HSPG2: variants seen among roughly 807,000 people sequenced by gnomAD.
HSPG2 encodes heparan sulfate proteoglycan 2, also known as basement membrane-specific heparan sulfate proteoglycan core protein.
A neutral mutation model predicts 526.6 loss-of-function variants in HSPG2; 278 were observed. The observed-to-expected ratio is 0.53, with a 90% CI of 0.48 to 0.58. The LOEUF (loss-of-function observed/expected upper bound fraction) is 0.58, where lower values mean the gene tolerates loss of function less well. Among genes scored for constraint, HSPG2 ranks in the 20% least tolerant of loss-of-function variants. The pLI, the probability that HSPG2 is intolerant of heterozygous loss-of-function variation, is 0.00. For synonymous variants in HSPG2, 2,465 were observed against 2,555.4 expected (o/e 0.96, Z 1.07); for missense variants, 5,354 against 6,099.5 (o/e 0.88, Z 4.07).
intron 1 of HSPG2, among the ~76,000 whole-genome samples, chr1:21,909,142 C>A (rs1248485054): frequency 2.6e-5 from 4 of 152,088 alleles, no homozygotes; most frequent in Non-Finnish European, 4.4e-5. Flanking sequence ...CAGGACAGAG[C>A]CAGAAGGAGT....
rs779427446 is a variant in HSPG2, at chr1:21,875,958, C to G, written c.3088G>C (p.Val1030Leu). Reference sequence around the variant, plus strand: ...ATGATGTTGTTACCTTGCAGCACCACCAACGGCTGCCCGTGCAGGGGTGTG... The same window carrying G: ...ATGATGTTGTTACCTTGCAGCACCAGCAACGGCTGCCCGTGCAGGGGTGTG... ...GSTPLHGQPL[V>L]VLQGNNIILE... is the part of the protein sequence containing the mutation. Residue 1030 changes from valine to leucine, a missense_variant, in exon 24 of 97, where the codon GTG becomes CTG. Transcript: ENST00000374695. The G allele has an allele frequency of 6.2e-7, 1 of 1,614,180 alleles. No individual in the cohort carries two copies. Among genetic ancestry groups the G allele is most frequent in the Non-Finnish European group, 8.5e-7 (1 of 1,180,016 alleles).
chr1:21,884,714 T>C, intron 12 of HSPG2, 40 bp from the exon 13 acceptor site: 1 of 1,610,662 alleles, frequency 6.2e-7, no homozygotes, highest in Non-Finnish European at 8.5e-7. Flanking sequence ...CCGGCTGTGG[T>C]GGGCAGCCCG....
At position 21,885,752 on chromosome 1, in the gene HSPG2, G is replaced by A. The variant is rs533878181; in HGVS notation, c.1079-301C>T. On this transcript the variant is annotated intron_variant, in intron 9 of 96. Coordinates refer to ENST00000374695, the MANE Select transcript of HSPG2 (RefSeq NM_005529.7). ...CAGCCACGCTCAGAGGCACAGAAGC[G>A]CTATCTTGCTCACATGGACAAGACC... is the stretch of plus-strand genomic sequence containing the variant. 1.2e-3 allele frequency among the ~76,000 whole-genome samples: 184 copies of A among 152,234 alleles called. 1 individual carries two copies. Among genetic ancestry groups the A allele is most frequent in the African/African-American group, 4.1e-3 (171 of 41,536 alleles).
At chr1:21,829,115 G>A in intron 87 of HSPG2, 36 bp from the exon 88 acceptor site, 1 of 1,525,314 alleles carries the variant, frequency 6.6e-7, no homozygotes, top group Non-Finnish European at 8.8e-7. Flanking sequence ...GGCACATGGG[G>A]GCACACGGGG....
chr1:21,834,097 G>A (rs2098016368), intron 77 of HSPG2, among the ~76,000 whole-genome samples, 172 bp from the exon 78 acceptor site: 1 of 152,216 alleles, frequency 6.6e-6, no homozygotes, highest in Non-Finnish European at 1.5e-5. Flanking sequence ...TTTGCTCCTG[G>A]TCGGGCAGAG....
chr1:21,926,761 C>CA lies in HSPG2; in HGVS notation c.63+10393dup, dbSNP rs57835686. Reference sequence around the variant, plus strand: ...TGGGAGACAGAGTGAGACTCAGTCTCAAAAAAAAAAAAAAAAAAAAAAAAA... The same window carrying CA: ...TGGGAGACAGAGTGAGACTCAGTCTCAAAAAAAAAAAAAAAAAAAAAAAAAA... On this transcript the variant is annotated intron_variant, in intron 1 of 96. Transcript: ENST00000374695. Among the ~76,000 whole-genome samples, 293 of 55,858 alleles carry CA rather than the reference C, an allele frequency of 5.2e-3. 12 individuals carry two copies. The highest frequency in any genetic ancestry group is 0.038 in the East Asian group (43 of 1,136). 36.6% of individuals were successfully genotyped at this position (55,858 alleles called of 152,430 possible). A position where few individuals can be genotyped will look rare whatever the true frequency, so the allele number is the denominator to read the frequency against.
chr1:21,935,549 A>C (rs1183496432), intron 1 of HSPG2, among the ~76,000 whole-genome samples: 1 of 152,266 alleles, frequency 6.6e-6, no homozygotes, highest in East Asian at 1.9e-4. Flanking sequence ...AATGTCGCTC[A>C]GTGATGATCT....
chr1:21,902,031 GAC>G (rs1184663831), intron 1 of HSPG2, among the ~76,000 whole-genome samples: 4 of 152,170 alleles, frequency 2.6e-5, no homozygotes, highest in Non-Finnish European at 5.9e-5. Context: ...CCAGGCCCCA[GAC>G]ACAGGATCAA....
rs1641748267 is a variant in HSPG2 at position 21,884,680 on chromosome 1, G to A, written c.1508-6C>T. On this transcript the variant is annotated splice_region_variant and splice_polypyrimidine_tract_variant and intron_variant, in intron 12 of 96. Coordinates refer to ENST00000374695, the MANE Select transcript of HSPG2 (RefSeq NM_005529.7). The stretch of plus-strand genomic sequence containing the variant: ...GTGGCCGTCAGGGCAGGGGCCTGCT[G>A]GGCGGCATGGGCGGGGGCTGCAGCC... 1 of 1,610,754 alleles carries A rather than the reference G, an allele frequency of 6.2e-7. No homozygotes were observed. The highest frequency in any genetic ancestry group is 8.5e-7 in the Non-Finnish European group (1 of 1,178,756).
chr1:21,914,287 T>C (rs908263425), intron 1 of HSPG2, among the ~76,000 whole-genome samples: 1 of 152,126 alleles, frequency 6.6e-6, no homozygotes, highest in Non-Finnish European at 1.5e-5. Context: ...AGGGTTGCTA[T>C]TTCCCTGGGT....
Position 21,829,491 on chromosome 1 carries a change from G to T in HSPG2, c.11884C>A (p.Pro3962Thr), listed in dbSNP as rs777703731. 2 of 1,613,396 alleles carry T rather than the reference G, an allele frequency of 1.2e-6. No individual in the cohort carries two copies. The highest frequency in any genetic ancestry group is 2.7e-5 in the African/African-American group (2 of 75,062). The change falls in exon 87 of 97, where the codon CCT (proline) becomes ACT (threonine). Residue 3962 changes from proline to threonine, a missense_variant. By Grantham distance (38) the Pro-to-Thr change is conservative. Coordinates refer to ENST00000374695, the MANE Select transcript of HSPG2 (RefSeq NM_005529.7). ...RLDVEFKPLAPDGVLLFSGGK... is the reference protein window; with the variant it reads ...RLDVEFKPLATDGVLLFSGGK... ...CCGCTGAACAGCAGGACCCCGTCAG[G>T]GGCGAGTGGCTTGAACTCCACGTCC...
chr1:21,876,089 C>T, intron 23 of HSPG2, 47 bp from the exon 24 acceptor site: 1 of 1,604,704 alleles, frequency 6.2e-7, no homozygotes, highest in Non-Finnish European at 8.5e-7. Flanking sequence ...GAATTCGGGC[C>T]CTGTCACTGC....
chr1:21,923,314 G>A (rs1398210681), intron 1 of HSPG2, among the ~76,000 whole-genome samples: 1 of 152,140 alleles, frequency 6.6e-6, no homozygotes. Flanking sequence ...GGCTGAGGCA[G>A]GAGAATCGCT....
At chr1:21,909,822 C>A (rs950165907) in intron 1 of HSPG2, among the ~76,000 whole-genome samples, 3 of 152,202 alleles carry the variant, frequency 2.0e-5, no homozygotes, top group Admixed American at 6.5e-5. Flanking sequence ...TGGCAAGGGC[C>A]TGGGCTAGGC....
At position 21,865,835 on chromosome 1, in the gene HSPG2, A is replaced by G. The variant is rs1640183325; in HGVS notation, c.4222-26T>C. The stretch of plus-strand genomic sequence containing the variant: ...CTGCAAAGAGGCAAGCCCAGAGGTC[A>G]CAGGCTGACCTTGGGGTGTGAGTGT... On this transcript the variant is annotated intron_variant, in intron 33 of 96. Transcript: ENST00000374695. The surrounding 1 kb of genome is among the most constrained non-coding windows in gnomAD (Gnocchi z 5.4). 6.3e-7 allele frequency: 1 copy of G among 1,579,786 alleles called. No individual in the cohort carries two copies. The highest frequency in any genetic ancestry group is 1.3e-5 in the African/African-American group (1 of 74,238).
At position 21,839,652 on chromosome 1, in the gene HSPG2, A is replaced by G. The variant is rs545950579; in HGVS notation, c.9710-102T>C. ...GGGCCCTGGGTGATCCTGTCCCTCT[A>G]TGGGGACCCCAGTTGGGTTCCTCGG... On this transcript the variant is annotated intron_variant, in intron 72 of 96. Transcript: ENST00000374695. The surrounding 1 kb of genome is among the most constrained non-coding windows in gnomAD (Gnocchi z 4.5). The G allele has an allele frequency of 2.7e-6, 4 of 1,458,004 alleles. No individual in the cohort carries two copies. Among genetic ancestry groups the G allele is most frequent in the East Asian group, 2.4e-5 (1 of 41,450 alleles). 90.3% of individuals were successfully genotyped at this position (1,458,004 alleles called of 1,614,324 possible).
intron 18 of HSPG2, 48 bp downstream of exon 18, chr1:21,878,946 T>C: frequency 1.3e-6 from 2 of 1,597,316 alleles, no homozygotes; most frequent in Non-Finnish European, 1.7e-6. Context: ...CTCTGGCCTG[T>C]TGCACTGTCC....
Position 21,839,773 on chromosome 1 carries a change from C to T in HSPG2, c.9709+49G>A. The T allele has an allele frequency of 6.3e-7, 1 of 1,581,110 alleles. No homozygotes were observed. Among genetic ancestry groups the T allele is most frequent in the East Asian group, 2.2e-5 (1 of 44,742 alleles). ...ATCACATGTGTCTACATTTCAGACCCCAGGGCATCCCTGCCCTGCCAGCCC... is the reference window on the plus strand; with the variant it reads ...ATCACATGTGTCTACATTTCAGACCTCAGGGCATCCCTGCCCTGCCAGCCC... On this transcript the variant is annotated intron_variant, in intron 72 of 96. Coordinates refer to ENST00000374695, the MANE Select transcript of HSPG2 (RefSeq NM_005529.7). This position sits in a 1 kb window ranked among gnomAD's most constrained non-coding sequence, Gnocchi z 4.5.
chr1:21,838,849 C>T lies in HSPG2; in HGVS notation c.10126G>A (p.Ala3376Thr), dbSNP rs1424200749. 6.2e-7 allele frequency: 1 copy of T among 1,612,466 alleles called. No homozygotes were observed. The highest frequency in any genetic ancestry group is 1.3e-5 in the African/African-American group (1 of 75,062). The change falls in exon 74 of 97, where the codon GCC (alanine) becomes ACC (threonine). Residue 3376 changes from alanine to threonine, a missense_variant. Physicochemically the swap from Ala to Thr is moderately conservative, Grantham distance 58. Coordinates refer to ENST00000374695, the MANE Select transcript of HSPG2 (RefSeq NM_005529.7). ...CCTTGGACGAGCAGCTGGGCAAAGG[C>T]CTCGGCTGAGCCCACCTTGTTGGTG... ...RVTNKVGSAEAFAQLLVQGPP... is the reference protein window; with the variant it reads ...RVTNKVGSAETFAQLLVQGPP...
Sources: allele counts gnomAD v4.1 joint callset (sites outside exome capture counted in the v4.1 genomes callset), GRCh38; gene constraint gnomAD v4.1.1; non-coding constraint Gnocchi (gnomAD v3.1); transcripts MANE v1.5; gene names NCBI Gene and HGNC (gene_info 2026-07-23, HGNC 2026-07-21).